The following BDH1 variants were observed in gnomAD, a reference collection of about 807,000 sequenced individuals.
BDH1 encodes the protein 3-hydroxybutyrate dehydrogenase 1.
In BDH1, 30 loss-of-function variants were observed where a neutral mutation model predicts 33.1. The observed-to-expected ratio is 0.91, with a 90% CI of 0.68 to 1.23. The LOEUF (loss-of-function observed/expected upper bound fraction) is 1.23, where lower values mean the gene tolerates loss of function less well. Among genes scored for constraint, BDH1 ranks in the 50% most tolerant of loss-of-function variants. The pLI, the probability that BDH1 is intolerant of heterozygous loss-of-function variation, is 0.00. For synonymous variants in BDH1, 190 were observed against 183.6 expected, an observed-to-expected ratio of 1.03 and a Z score of -0.28; for missense variants, 443 against 464.4, an observed-to-expected ratio of 0.95 and a Z score of 0.42.
chr3:197,565,854 A>T (rs1024910573), intron 1 of BDH1, among the ~76,000 whole-genome samples: 18 of 152,232 alleles, frequency 1.2e-4, no homozygotes, highest in African/African-American at 4.1e-4. Context: ...GGAGATTGGA[A>T]CATTAGAATA....
chr3:197,561,854 T>G lies in BDH1; in HGVS notation c.-44+11327A>C, dbSNP rs111528620. ...GCTTCCTGTCTTAAAAAAAAAATAT[T>G]TATTTCATTTACTTTTCTTCTACCC... On this transcript the variant is annotated intron_variant, in intron 1 of 6. Coordinates refer to the BDH1 transcript ENST00000358186. Among the ~76,000 whole-genome samples, 234 of 152,284 alleles carry G rather than the reference T, an allele frequency of 1.5e-3. 1 individual carries two copies. Among genetic ancestry groups the G allele is most frequent in the African/African-American group, 5.2e-3 (217 of 41,534 alleles).
chr3:197,522,694 C>T lies in BDH1; in HGVS notation c.355G>A (p.Glu119Lys). The T allele has an allele frequency of 6.2e-6, 10 of 1,614,222 alleles. No homozygotes were observed. Among genetic ancestry groups the T allele is most frequent in the Non-Finnish European group, 8.5e-6 (10 of 1,180,038 alleles). Residue 119 changes from glutamate to lysine, a missense_variant, in exon 6 of 8, where the codon GAG (glutamate) becomes AAG (lysine). By Grantham distance (56) the Glu-to-Lys change is moderately conservative. Transcript: ENST00000392379. This position sits in a 1 kb window ranked among gnomAD's most constrained non-coding sequence, Gnocchi z 4.8. The part of the protein sequence containing the change: ...TVQLNVCSSE[E>K]VEKVVEIVRS... Reference sequence around the variant, plus strand: ...ACAATCTCCACCACTTTCTCCACCTCTTCGCTGCTGCAGACATTGAGCTGG... The same window carrying T: ...ACAATCTCCACCACTTTCTCCACCTTTTCGCTGCTGCAGACATTGAGCTGG...
At chr3:197,559,454 G>A (rs114437943), upstream of BDH1, among the ~76,000 whole-genome samples, 131 of 152,274 alleles carry the variant, frequency 8.6e-4, 1 homozygote, top group African/African-American at 3.1e-3. Context: ...CTCTTTGTAT[G>A]GCAATAAACT....
chr3:197,553,070 G>A (rs35613212), intron 2 of BDH1, among the ~76,000 whole-genome samples: 20,095 of 151,914 alleles, frequency 0.13, 1,501 homozygotes, highest in African/African-American at 0.17. Flanking sequence ...AGCATGCACC[G>A]CCATGCCTGG....
At chr3:197,519,840 G>A (rs1202613378) in intron 6 of BDH1, among the ~76,000 whole-genome samples, 1 of 152,120 alleles carries the variant, frequency 6.6e-6, no homozygotes, top group Admixed American at 6.5e-5. Flanking sequence ...TCCTGCGGGG[G>A]TCGGGGCCGG....
intron 5 of BDH1, 21 bp downstream of exon 5, chr3:197,532,391 A>G (rs750453287): frequency 1.3e-5 from 20 of 1,584,850 alleles, no homozygotes; most frequent in Middle Eastern, 1.7e-4. Flanking sequence ...ACAATGGTGA[A>G]GAAGATAACT....
chr3:197,532,366 G>C (rs200069349), intron 5 of BDH1, 46 bp downstream of exon 5: 273 of 1,530,050 alleles, frequency 1.8e-4, no homozygotes, highest in Non-Finnish European at 2.4e-4. Context: ...AAAAAACAAT[G>C]ACTATGTGTA....
intron 1 of BDH1, chr3:197,555,344 G>A (rs180714363): frequency 2.0e-4 from 30 of 152,580 alleles, no homozygotes; most frequent in African/African-American, 7.2e-4. Context: ...CAGGACACCT[G>A]GCTTCGGTCT....
In BDH1 at chr3:197,510,599, G is replaced by GGGGTGTGTGTGTGTGTGTGTGT. The variant is rs1553865645; in HGVS notation, c.*1295_*1296insACACACACACACACACACACCC. On this transcript the variant is annotated 3_prime_UTR_variant, in exon 8 of 8. Transcript: ENST00000392379. Reference sequence around the variant, plus strand: ...CCACGCTGAAGCCCTGCAGAACAGGGGTGTGTGTGTGTGTGTGTGTGTGTG... The same window carrying GGGGTGTGTGTGTGTGTGTGTGT: ...CCACGCTGAAGCCCTGCAGAACAGGGGGGTGTGTGTGTGTGTGTGTGTGTGTGTGTGTGTGTGTGTGTGTGTG... 2.7e-5 allele frequency: 2 copies of GGGGTGTGTGTGTGTGTGTGTGT among 75,374 alleles called. No homozygotes were observed. The highest frequency in any genetic ancestry group is 1.5e-4 in the Admixed American group (1 of 6,480). 4.7% of individuals were successfully genotyped at this position (75,374 alleles called of 1,614,324 possible). A position where few individuals can be genotyped will look rare whatever the true frequency, so the allele number is the denominator to read the frequency against.
chr3:197,531,106 G>C (rs1273624874), intron 5 of BDH1, among the ~76,000 whole-genome samples: 1 of 152,116 alleles, frequency 6.6e-6, no homozygotes, highest in Admixed American at 6.5e-5. Context: ...TTTAAAAATA[G>C]TGCTTTGGGC....
chr3:197,536,759 C>G (rs996404991), intron 3 of BDH1, among the ~76,000 whole-genome samples: 11 of 152,124 alleles, frequency 7.2e-5, no homozygotes, highest in Non-Finnish European at 1.5e-4. Flanking sequence ...AGAAGAATCA[C>G]TTGAACCCAG....
At chr3:197,568,840 G>A (rs1339872915) in intron 1 of BDH1, among the ~76,000 whole-genome samples, 1 of 152,088 alleles carries the variant, frequency 6.6e-6, no homozygotes, top group East Asian at 1.9e-4. Flanking sequence ...AGTTTGCACT[G>A]ATTGAGTCCT....
intron 6 of BDH1, among the ~76,000 whole-genome samples, chr3:197,519,607 T>C (rs1439647929): frequency 6.6e-6 from 1 of 151,904 alleles, no homozygotes; most frequent in Non-Finnish European, 1.5e-5. Flanking sequence ...GAGGTTTCAG[T>C]GAGCCGAGAT....
intron 3 of BDH1, among the ~76,000 whole-genome samples, chr3:197,534,449 G>T (rs956921558): frequency 2.6e-5 from 4 of 152,186 alleles, no homozygotes; most frequent in African/African-American, 4.8e-5. Context: ...TGACACAGGG[G>T]TATGACAATT....
intron 3 of BDH1, among the ~76,000 whole-genome samples, chr3:197,536,867 A>G (rs1715204159): frequency 1.3e-5 from 2 of 152,244 alleles, no homozygotes; most frequent in Admixed American, 6.5e-5. Flanking sequence ...CAAACAAACA[A>G]AAACAAAACA....
Position 197,512,363 on chromosome 3 carries a change from G to C in BDH1, c.564C>G (p.Gly188=), listed in dbSNP as rs141633234. ...SFLPLIRRAK[G]RVVNISSMLG... ...GCATGCTGCTGATATTGACGACGCG[G>C]CCTACAGAGGGAGACAGAGGTACCT... is the stretch of plus-strand genomic sequence containing the variant. The change falls in exon 8 of 8, where the codon GGC becomes GGG. Residue 188 remains glycine (G), a splice_region_variant and synonymous_variant. Coordinates refer to ENST00000392379, the MANE Select transcript of BDH1 (RefSeq NM_203314.3). 3.1e-6 allele frequency: 5 copies of C among 1,600,744 alleles called. No homozygotes were observed. The highest frequency in any genetic ancestry group is 4.2e-6 in the Non-Finnish European group (5 of 1,176,630).
chr3:197,533,145 G>A (rs1240671289), intron 4 of BDH1, among the ~76,000 whole-genome samples: 1 of 152,186 alleles, frequency 6.6e-6, no homozygotes, highest in African/African-American at 2.4e-5. Context: ...CCAAAGTGCT[G>A]GGATTACAGG....
At chr3:197,517,254 C>CG (rs1712851298) in intron 6 of BDH1, among the ~76,000 whole-genome samples, 1 of 127,022 alleles carries the variant, frequency 7.9e-6, no homozygotes, top group African/African-American at 2.9e-5. Flanking sequence ...CCGACCCCCG[C>CG]ATCAGTCATT....
chr3:197,515,419 T>C (rs1712593206), intron 6 of BDH1: 1 of 985,718 alleles, frequency 1.0e-6, no homozygotes, highest in Non-Finnish European at 1.2e-6. Flanking sequence ...CAGCTCCCAC[T>C]GTCTCCCTGC....
Sources: gnomAD v4.1 joint callset for allele counts (sites outside exome capture counted in the v4.1 genomes callset) on GRCh38, gnomAD v4.1.1 for gene constraint, Gnocchi (gnomAD v3.1) non-coding constraint, MANE v1.5 for transcripts, NCBI Gene and HGNC (gene_info 2026-07-23, HGNC 2026-07-21) for gene names.